Variants in SORCS2 observed in about 807,000 individuals in gnomAD.
SORCS2 encodes the protein sortilin related VPS10 domain containing receptor 2.
A neutral mutation model predicts 141.6 loss-of-function variants in SORCS2; 100 were observed. That is an observed-to-expected ratio of 0.71 (90% CI 0.60 to 0.83). SORCS2 has a LOEUF of 0.83. Among genes scored for constraint, SORCS2 ranks in the 40% least tolerant of loss-of-function variants. SORCS2 has a pLI of 0.00. For missense variants in SORCS2, 1,646 were observed against 1,560.2 expected (o/e 1.05, Z -0.93); for synonymous variants, 789 against 676.9 (o/e 1.17, Z -2.57).
At chr4:7,557,571 G>A (rs890875065) in intron 3 of SORCS2, among the ~76,000 whole-genome samples, 2 of 152,198 alleles carry the variant, frequency 1.3e-5, no homozygotes, top group African/African-American at 4.8e-5. Flanking sequence ...AACTGCTCTG[G>A]ACTAGATTCT....
chr4:7,450,286 A>G (rs1435132975), intron 2 of SORCS2, among the ~76,000 whole-genome samples: 1 of 152,168 alleles, frequency 6.6e-6, no homozygotes, highest in African/African-American at 2.4e-5. Flanking sequence ...GTGACCCTCT[A>G]GGCTGTGGGA....
chr4:7,508,335 T>G (rs1732404437), intron 2 of SORCS2, among the ~76,000 whole-genome samples: 1 of 144,564 alleles, frequency 6.9e-6, no homozygotes, highest in Non-Finnish European at 1.5e-5. Context: ...TACCTGAGGA[T>G]GCTGAGATCT....
chr4:7,362,146 G>T (rs1721619992), intron 1 of SORCS2, among the ~76,000 whole-genome samples: 1 of 152,094 alleles, frequency 6.6e-6, no homozygotes, highest in African/African-American at 2.4e-5. Flanking sequence ...CAAAGGCAGG[G>T]GGCTGTGAGA....
chr4:7,527,463 TGGGCCTCG>T (rs765668132), intron 2 of SORCS2, among the ~76,000 whole-genome samples: 18 of 152,064 alleles, frequency 1.2e-4, no homozygotes, highest in Non-Finnish European at 1.8e-4. Flanking sequence ...GACTCTGCAG[TGGGCCTCG>T]GGGCCTCGGG....
Position 7,676,828 on chromosome 4 carries a change from TCC to T in SORCS2, c.1341+601_1341+602del, listed in dbSNP as rs1723171055. ...GTCTCTCTCTCTCTCTCTCTCTCTCTCCCTCTCTCCACCCCAGCCCTGTCATC... is the reference window on the plus strand; with the variant it reads ...GTCTCTCTCTCTCTCTCTCTCTCTCTCTCTCTCCACCCCAGCCCTGTCATC... On this transcript the variant is annotated intron_variant, in intron 9 of 26. Transcript: ENST00000507866. Among the ~76,000 whole-genome samples, 17 of 112,326 alleles carry T rather than the reference TCC, an allele frequency of 1.5e-4. 1 individual carries two copies. The highest frequency in any genetic ancestry group is 3.3e-4 in the South Asian group (1 of 3,032). The allele number at this position is 112,326 out of a possible 152,430, so 73.7% of individuals were successfully genotyped here.
chr4:7,262,820 C>A (rs1714453721), intron 1 of SORCS2, among the ~76,000 whole-genome samples: 1 of 152,214 alleles, frequency 6.6e-6, no homozygotes, highest in African/African-American at 2.4e-5. Context: ...AGGATTTAGG[C>A]ACTGCTTTTT....
chr4:7,384,414 G>C (rs1465694161), intron 1 of SORCS2, among the ~76,000 whole-genome samples: 1 of 152,154 alleles, frequency 6.6e-6, no homozygotes, highest in Non-Finnish European at 1.5e-5. Context: ...TCTTGGGTGA[G>C]GCATCCTGCC....
At chr4:7,194,522 C>T (rs1246455519) in intron 1 of SORCS2, among the ~76,000 whole-genome samples, 1 of 152,212 alleles carries the variant, frequency 6.6e-6, no homozygotes, top group East Asian at 1.9e-4. Context: ...TGCCAAGTGT[C>T]TGGTCTTGGG....
chr4:7,619,929 C>T (rs1407633917), intron 3 of SORCS2, among the ~76,000 whole-genome samples: 1 of 152,134 alleles, frequency 6.6e-6, no homozygotes, highest in Non-Finnish European at 1.5e-5. Context: ...CAGCCCCTGC[C>T]CCTGCCCCTG....
intron 1 of SORCS2, among the ~76,000 whole-genome samples, chr4:7,248,229 G>T (rs896658459): frequency 6.6e-6 from 1 of 152,222 alleles, no homozygotes; most frequent in African/African-American, 2.4e-5. Flanking sequence ...TCCTTGCGGG[G>T]CTCAGCTGAG....
At chr4:7,223,295 GCACA>G (rs10553971) in intron 1 of SORCS2, among the ~76,000 whole-genome samples, 11,508 of 129,634 alleles carry the variant, frequency 0.089, 569 homozygotes, top group East Asian at 0.33. Flanking sequence ...GTGTATATGC[GCACA>G]CACACACACA....
At chr4:7,326,877 C>T (rs1037076237) in intron 1 of SORCS2, among the ~76,000 whole-genome samples, 3 of 152,382 alleles carry the variant, frequency 2.0e-5, no homozygotes, top group African/African-American at 7.2e-5. Context: ...GGCACAAGGC[C>T]AGCACGCCCT....
At chr4:7,704,428 A>ACCGAGGCTC in intron 14 of SORCS2, 144 bp downstream of exon 14, 1 of 728,744 alleles carries the variant, frequency 1.4e-6, no homozygotes, top group Non-Finnish European at 2.2e-6. Context: ...GCTGGTGAGG[A>ACCGAGGCTC]CAGGACCGAG....
intron 1 of SORCS2, among the ~76,000 whole-genome samples, chr4:7,374,495 C>T (rs1281821864): frequency 6.6e-6 from 1 of 152,150 alleles, no homozygotes; most frequent in Non-Finnish European, 1.5e-5. Flanking sequence ...CTGGGACGTT[C>T]CCCAGACATT....
chr4:7,681,791 T>C (rs1227004317), intron 9 of SORCS2, among the ~76,000 whole-genome samples: 2 of 152,210 alleles, frequency 1.3e-5, no homozygotes. Flanking sequence ...ACTTAATAAC[T>C]GTATGCCGTT....
At chr4:7,351,041 C>A (rs1194915846) in intron 1 of SORCS2, among the ~76,000 whole-genome samples, 1 of 152,220 alleles carries the variant, frequency 6.6e-6, no homozygotes, top group African/African-American at 2.4e-5. Context: ...TATTGTCCCA[C>A]TGTGCTCACG....
At chr4:7,211,960 T>C (rs1728085254) in intron 1 of SORCS2, among the ~76,000 whole-genome samples, 1 of 152,240 alleles carries the variant, frequency 6.6e-6, no homozygotes, top group East Asian at 1.9e-4. Flanking sequence ...GGTGTCTGTT[T>C]CTGCATAATT....
At chr4:7,469,007 T>A in intron 2 of SORCS2, among the ~76,000 whole-genome samples, 1 of 152,176 alleles carries the variant, frequency 6.6e-6, no homozygotes, top group East Asian at 1.9e-4. Flanking sequence ...GAAGAGTTGT[T>A]GTGAGGGTAG....
intron 2 of SORCS2, among the ~76,000 whole-genome samples, chr4:7,415,858 G>A (rs1477197467): frequency 6.6e-6 from 1 of 152,256 alleles, no homozygotes; most frequent in Non-Finnish European, 1.5e-5. Context: ...AGGAAGGGAT[G>A]GATAGGGGCC....
Sources: gnomAD v4.1 joint callset for allele counts (sites outside exome capture counted in the v4.1 genomes callset) on GRCh38, gnomAD v4.1.1 for gene constraint, MANE v1.5 for transcripts, NCBI Gene and HGNC (gene_info 2026-07-23, HGNC 2026-07-21) for gene names.